Variants in ERCC6L2 observed in about 807,000 individuals in gnomAD.
ERCC6L2 encodes the protein DNA excision repair protein ERCC-6-like 2.
Under a neutral mutation model 132.0 loss-of-function variants are expected in ERCC6L2, and 77 were observed. The observed-to-expected ratio is 0.58, with a 90% CI of 0.49 to 0.71. The LOEUF (loss-of-function observed/expected upper bound fraction) is 0.71. ERCC6L2 is among the 30% of genes least tolerant of loss of function. The probability of loss-of-function intolerance (pLI) is 0.00; values close to 1 mark genes in which losing one functional copy is unlikely to be tolerated. For synonymous variants in ERCC6L2, 583 were observed against 632.4 expected, an observed-to-expected ratio of 0.92 and a Z score of 1.17; for missense variants, 1,542 against 1,837.6, an observed-to-expected ratio of 0.84 and a Z score of 2.94.
At chr9:95,938,924 G>C (rs1247541127) in intron 11 of ERCC6L2, among the ~76,000 whole-genome samples, 1 of 151,580 alleles carries the variant, frequency 6.6e-6, no homozygotes, top group Non-Finnish European at 1.5e-5. Context: ...ATTTGTTTAT[G>C]TATAGTGTTT....
intron 3 of ERCC6L2, among the ~76,000 whole-genome samples, chr9:95,901,114 T>C (rs1828752617): frequency 6.6e-6 from 1 of 152,132 alleles, no homozygotes; most frequent in Non-Finnish European, 1.5e-5. Context: ...TTTATGTGTT[T>C]GTATATTGCT....
rs200654558 is a variant in ERCC6L2 at position 96,012,931 on chromosome 9, A to G, written c.4381A>G (p.Lys1461Glu). Residue 1461 changes from lysine (K) to glutamate (E), a missense_variant, in exon 19 of 19, where the codon AAG becomes GAG. Lys to Glu is a moderately conservative substitution (Grantham distance 56, BLOSUM62 1). Around this residue, in one of 4 missense-constraint regions of ERCC6L2, gnomAD observed 442 missense variants for 583.4 expected, o/e 0.76. Transcript: ENST00000653738. ...TGGGAACAGTCCCACACAACTGCCA[A>G]AGAAAGTTCTTTCAGGGCCCATGGA... ...SHGNSPTQLP[K>E]KVLSGPMEKA... is the part of the protein sequence containing the mutation. 3.7e-6 allele frequency: 5 copies of G among 1,367,390 alleles called. No homozygotes were observed. Among genetic ancestry groups the G allele is most frequent in the African/African-American group, 1.5e-5 (1 of 67,750 alleles). 84.7% of individuals were successfully genotyped at this position (1,367,390 alleles called of 1,614,324 possible). A position where few individuals can be genotyped will look rare whatever the true frequency, so the allele number is the denominator to read the frequency against.
At chr9:95,991,446 G>A (rs1162827687) in intron 17 of ERCC6L2, among the ~76,000 whole-genome samples, 1 of 152,150 alleles carries the variant, frequency 6.6e-6, no homozygotes, top group South Asian at 2.1e-4. Flanking sequence ...AATTGTTTGA[G>A]TTGCAAATTG....
At chr9:95,928,324 T>G (rs1040024178) in intron 10 of ERCC6L2, 174 bp downstream of exon 10, 15 of 478,216 alleles carry the variant, frequency 3.1e-5, no homozygotes, top group Non-Finnish European at 5.5e-5. Context: ...TTCAATTGTT[T>G]CAGGGTTGCT....
intron 17 of ERCC6L2, among the ~76,000 whole-genome samples, chr9:95,995,293 A>G (rs193091646): frequency 6.6e-6 from 1 of 152,364 alleles, no homozygotes; most frequent in Non-Finnish European, 1.5e-5. Context: ...CTTAAAATAC[A>G]CAGAATACAC....
rs1832437786 is a variant in ERCC6L2, at chr9:95,972,041, G to A, written c.2290G>A (p.Gly764Arg). The change falls in exon 16 of 19, where the codon GGA (glycine) becomes AGA (arginine). Residue 764 changes from glycine to arginine, a missense_variant. Coordinates refer to ENST00000653738, the MANE Select transcript of ERCC6L2 (RefSeq NM_020207.7). ...CSDFSDEEPV[G>R]ATGIKTAKNK... ...TGACTTCAGTGATGAAGAGCCAGTG[G>A]GAGCCACAGGAATAAAGACTGCCAA... 1 of 1,304,226 alleles carries A rather than the reference G, an allele frequency of 7.7e-7. No individual in the cohort carries two copies. The highest frequency in any genetic ancestry group is 2.3e-5 in the Admixed American group (1 of 43,554). The allele number at this position is 1,304,226 out of a possible 1,614,324, so 80.8% of individuals were successfully genotyped here. A position where few individuals can be genotyped will look rare whatever the true frequency, so the allele number is the denominator to read the frequency against.
At chr9:95,993,083 A>G (rs934952536) in intron 17 of ERCC6L2, among the ~76,000 whole-genome samples, 2 of 152,178 alleles carry the variant, frequency 1.3e-5, no homozygotes, top group Non-Finnish European at 1.5e-5. Context: ...GACTAGTAGA[A>G]TTGTGAATTT....
At chr9:95,973,665 G>T (rs1401181363) in intron 16 of ERCC6L2, among the ~76,000 whole-genome samples, 1 of 152,070 alleles carries the variant, frequency 6.6e-6, no homozygotes, top group Non-Finnish European at 1.5e-5. Flanking sequence ...GGAAAGACCT[G>T]CCCCCATCAT....
intron 13 of ERCC6L2, among the ~76,000 whole-genome samples, chr9:95,965,038 T>C (rs1223069110): frequency 6.6e-6 from 1 of 152,194 alleles, no homozygotes; most frequent in African/African-American, 2.4e-5. Flanking sequence ...CTATCACTTG[T>C]ATCAATTGTT....
Position 96,004,696 on chromosome 9 carries a change from C to A in ERCC6L2, c.3669C>A (p.Ile1223=). The change falls in exon 18 of 19, where the codon ATC becomes ATA. Residue 1223 remains isoleucine, a synonymous_variant. Coordinates refer to ENST00000653738, the MANE Select transcript of ERCC6L2 (RefSeq NM_020207.7). ...TAATTGGAGAAACACCAAAAGGAAT[C>A]CGCAGGTATATTGTCTCTGACAATA... ...TFIIGETPKG[I]RRKQFEEMAS... 7.5e-7 allele frequency: 1 copy of A among 1,339,458 alleles called. No individual in the cohort carries two copies. Among genetic ancestry groups the A allele is most frequent in the Non-Finnish European group, 9.9e-7 (1 of 1,006,258 alleles). The allele number at this position is 1,339,458 out of a possible 1,614,324, so 83.0% of individuals were successfully genotyped here.
At chr9:95,953,888 C>A (rs1831468132) in intron 12 of ERCC6L2, among the ~76,000 whole-genome samples, 1 of 152,106 alleles carries the variant, frequency 6.6e-6, no homozygotes, top group Middle Eastern at 3.4e-3. Flanking sequence ...TAACCAATAA[C>A]AATGTTTATT....
At chr9:95,997,462 G>C (rs535838073) in intron 17 of ERCC6L2, among the ~76,000 whole-genome samples, 1 of 152,332 alleles carries the variant, frequency 6.6e-6, no homozygotes, top group African/African-American at 2.4e-5. Context: ...TCTTAAGATG[G>C]ACTCTATCCT....
In ERCC6L2 at chr9:96,013,199, C is replaced by T; in HGVS notation, c.4649C>T (p.Thr1550Ile). ...DENATNTQST[T>I] Reference sequence around the variant, plus strand: ...AACGCAACCAATACACAGAGTACCACATAAGCATATAAATGAATTACTGCA... The same window carrying T: ...AACGCAACCAATACACAGAGTACCATATAAGCATATAAATGAATTACTGCA... Residue 1550 changes from threonine (T) to isoleucine (I), a missense_variant, in exon 19 of 19, where the codon ACA becomes ATA. Physicochemically the swap from Thr to Ile is moderately conservative, Grantham distance 89. Coordinates refer to ENST00000653738, the MANE Select transcript of ERCC6L2 (RefSeq NM_020207.7). The T allele has an allele frequency of 7.4e-7, 1 of 1,352,276 alleles. No individual in the cohort carries two copies. Among genetic ancestry groups the T allele is most frequent in the Non-Finnish European group, 9.8e-7 (1 of 1,016,314 alleles). The allele number at this position is 1,352,276 out of a possible 1,614,324, so 83.8% of individuals were successfully genotyped here.
At position 95,928,135 on chromosome 9, in the gene ERCC6L2, T is replaced by C. The variant is rs139285024; in HGVS notation, c.1590T>C (p.Phe530=). ...CRKNRDKVLL[F]SFSTKLLDVL... is the part of the protein sequence containing the mutation. ...AAAACAGAGATAAAGTTCTTCTCTT[T>C]TCTTTTTCCACCAAGGTGAGTTCAT... is the stretch of plus-strand genomic sequence containing the variant. The change falls in exon 10 of 19, where the codon TTT becomes TTC. Residue 530 remains phenylalanine (F), a synonymous_variant. Coordinates refer to ENST00000653738, the MANE Select transcript of ERCC6L2 (RefSeq NM_020207.7). The C allele has an allele frequency of 1.2e-6, 2 of 1,612,216 alleles. No individual in the cohort carries two copies. The highest frequency in any genetic ancestry group is 2.2e-5 in the East Asian group (1 of 44,746).
intron 13 of ERCC6L2, among the ~76,000 whole-genome samples, chr9:95,964,046 A>C (rs1832037984): frequency 6.6e-6 from 1 of 152,130 alleles, no homozygotes. Flanking sequence ...CCAGTTCCTC[A>C]TCAGACCTGC....
intron 4 of ERCC6L2, among the ~76,000 whole-genome samples, chr9:95,912,377 TTGTG>T (rs144056886): frequency 6.6e-6 from 1 of 151,588 alleles, no homozygotes; most frequent in South Asian, 2.1e-4. Flanking sequence ...TCCAACAGTT[TTGTG>T]TGTGTGTGTG....
intron 19 of ERCC6L2, among the ~76,000 whole-genome samples, chr9:96,026,569 C>T (rs1834367503): frequency 6.6e-6 from 1 of 151,618 alleles, no homozygotes; most frequent in Non-Finnish European, 1.5e-5. Context: ...TTTCTGCACA[C>T]GCCCACCGCA....
chr9:96,013,884 C>G lies in ERCC6L2; in HGVS notation c.*681C>G, dbSNP rs1834117147. On this transcript the variant is annotated 3_prime_UTR_variant, in exon 19 of 19. Transcript: ENST00000653738. ...TTAGCCACAGATACCAGTGCCTCAA[C>G]TTTTTATGTACCTATTGTGATTTAA... 1 of 152,088 alleles carries G rather than the reference C, an allele frequency of 6.6e-6. No homozygotes were observed. The allele number at this position is 152,088 out of a possible 1,614,324, so 9.4% of individuals were successfully genotyped here. A position where few individuals can be genotyped will look rare whatever the true frequency, so the allele number is the denominator to read the frequency against.
chr9:95,957,831 G>T (rs1394306902), intron 13 of ERCC6L2, among the ~76,000 whole-genome samples: 1 of 151,020 alleles, frequency 6.6e-6, no homozygotes, highest in African/African-American at 2.4e-5. Flanking sequence ...CTCCCAGGTT[G>T]GCTTTCAATC....
Sources: allele counts gnomAD v4.1 joint callset (sites outside exome capture counted in the v4.1 genomes callset), GRCh38; gene constraint gnomAD v4.1.1; regional missense constraint gnomAD v4.1.1; transcripts MANE v1.5; gene names NCBI Gene and HGNC (gene_info 2026-07-23, HGNC 2026-07-21).